The following ZNF676 variants were observed in gnomAD, a reference collection of about 807,000 sequenced individuals.
ZNF676 encodes zinc finger protein 676.
Under a neutral mutation model 6.0 loss-of-function variants are expected in ZNF676, and 4 were observed. That is an observed-to-expected ratio of 0.67 (90% CI 0.33 to 1.53). The LOEUF (loss-of-function observed/expected upper bound fraction) is 1.53, where lower values mean the gene tolerates loss of function less well. Among genes scored for constraint, ZNF676 ranks in the 40% most tolerant of loss-of-function variants. ZNF676 has a pLI of 0.06. For synonymous variants in ZNF676, 198 were observed against 223.1 expected (o/e 0.89, Z 1.00); for missense variants, 644 against 679.7 (o/e 0.95, Z 0.58).
chr19:22,212,528 AC>A (rs530151150), intron 1 of ZNF676, among the ~76,000 whole-genome samples: 1 of 151,666 alleles, frequency 6.6e-6, no homozygotes, highest in African/African-American at 2.4e-5. Flanking sequence ...AACATGGTGA[AC>A]CCCCATCTCT....
At chr19:22,233,094 T>A in the ZNF676 span, among the ~76,000 whole-genome samples, 2 of 152,230 alleles carry the variant, frequency 1.3e-5, no homozygotes, top group Non-Finnish European at 2.9e-5. Context: ...AAATGTAGAC[T>A]AATAAAAATC....
At chr19:22,215,510 A>G in intron 1 of ZNF676, 1 of 1,182,898 alleles carries the variant, frequency 8.5e-7, no homozygotes, top group Non-Finnish European at 1.2e-6. Flanking sequence ...ACTGAGGTCG[A>G]GCTAGGCAAG....
chr19:22,247,647 C>CG, the ZNF676 span, among the ~76,000 whole-genome samples: 513 of 150,234 alleles, frequency 3.4e-3, 1 homozygote, highest in Middle Eastern at 6.8e-3. Flanking sequence ...AGGCCAGGCA[C>CG]GGTGGCTCAT....
Position 22,179,911 on chromosome 19 carries a change from TGAGA to T in ZNF676, c.*35_*38del. 1.9e-6 allele frequency: 3 copies of T among 1,590,586 alleles called. No individual in the cohort carries two copies. The highest frequency in any genetic ancestry group is 2.6e-6 in the Non-Finnish European group (3 of 1,162,596). On this transcript the variant is annotated 3_prime_UTR_variant, in exon 3 of 3. Transcript: ENST00000397121. Reference sequence around the variant, plus strand: ...ATGAATTTTCTTATGTTTACTAGACTGAGAATCAGCTGAAGGATTTACCACATTC... The same window carrying T: ...ATGAATTTTCTTATGTTTACTAGACTATCAGCTGAAGGATTTACCACATTC...
intron 1 of ZNF676, among the ~76,000 whole-genome samples, chr19:22,206,230 C>T (rs1271218490): frequency 6.6e-6 from 1 of 152,124 alleles, no homozygotes; most frequent in African/African-American, 2.4e-5. Context: ...GATATTATTT[C>T]TACCAGAACA....
the ZNF676 span, among the ~76,000 whole-genome samples, chr19:22,242,962 C>T: frequency 4.0e-5 from 6 of 151,746 alleles, no homozygotes; most frequent in African/African-American, 1.5e-4. Context: ...AGGTGATGGG[C>T]CCAGAAATCT....
intron 1 of ZNF676, among the ~76,000 whole-genome samples, chr19:22,210,621 G>C (rs907525306): frequency 2.5e-4 from 38 of 152,098 alleles, no homozygotes; most frequent in African/African-American, 8.5e-4. Flanking sequence ...GTGTTCTCCA[G>C]GAACACTTAT....
chr19:22,213,106 C>G (rs2024146965), intron 1 of ZNF676, among the ~76,000 whole-genome samples: 2 of 152,144 alleles, frequency 1.3e-5, no homozygotes, highest in African/African-American at 2.4e-5. Context: ...CATCCAATTA[C>G]TGAGAGATTC....
At chr19:22,260,068 A>G in the ZNF676 span, among the ~76,000 whole-genome samples, 1 of 152,188 alleles carries the variant, frequency 6.6e-6, no homozygotes, top group Admixed American at 6.5e-5. Context: ...TTCGGGGGTA[A>G]GATTAATAAT....
At chr19:22,223,344 A>G in the ZNF676 span, among the ~76,000 whole-genome samples, 1 of 152,166 alleles carries the variant, frequency 6.6e-6, no homozygotes, top group African/African-American at 2.4e-5. Context: ...GTCTTTCTAC[A>G]TAACACAGGC....
intron 1 of ZNF676, among the ~76,000 whole-genome samples, chr19:22,204,579 G>A (rs1294983818): frequency 6.6e-6 from 1 of 152,172 alleles, no homozygotes; most frequent in African/African-American, 2.4e-5. Context: ...GGCTTTCGCA[G>A]TGTAAGTATT....
chr19:22,254,978 G>A, the ZNF676 span, among the ~76,000 whole-genome samples: 5 of 152,350 alleles, frequency 3.3e-5, no homozygotes, highest in South Asian at 4.1e-4. Flanking sequence ...GCAAGATGGT[G>A]TAAGAATGAG....
At position 22,182,668 on chromosome 19, in the gene ZNF676, G is replaced by GA. The variant is rs55861617; in HGVS notation, c.131-1083dup. Among the ~76,000 whole-genome samples, 254 of 132,296 alleles carry GA rather than the reference G, an allele frequency of 1.9e-3. 4 individuals carry two copies. The East Asian group carries it at 0.049, about 25-fold the overall frequency. 86.8% of individuals were successfully genotyped at this position (132,296 alleles called of 152,430 possible). ...ATCAGCAAATCTGTCCTGCCTAAAAGAAAAAAAAAAAAAGAGCTTTCAAAA... is the reference window on the plus strand; with the variant it reads ...ATCAGCAAATCTGTCCTGCCTAAAAGAAAAAAAAAAAAAAGAGCTTTCAAAA... On this transcript the variant is annotated intron_variant, in intron 2 of 2. Transcript: ENST00000397121.
intron 1 of ZNF676, among the ~76,000 whole-genome samples, chr19:22,202,179 T>G (rs1175936992): frequency 6.6e-6 from 1 of 152,146 alleles, no homozygotes; most frequent in Non-Finnish European, 1.5e-5. Context: ...GAGAACTGGA[T>G]TCTCACGTCT....
chr19:22,231,845 C>A, the ZNF676 span, among the ~76,000 whole-genome samples: 1 of 152,058 alleles, frequency 6.6e-6, no homozygotes. Context: ...TGTGATCCAC[C>A]CGCCTCAGCC....
chr19:22,250,069 A>T, the ZNF676 span, among the ~76,000 whole-genome samples: 1 of 151,662 alleles, frequency 6.6e-6, no homozygotes, highest in Admixed American at 6.6e-5. Context: ...GTAACCCCAA[A>T]TACTAGGGAG....
At chr19:22,199,218 A>T (rs1408380262), upstream of ZNF676, among the ~76,000 whole-genome samples, 2 of 152,226 alleles carry the variant, frequency 1.3e-5, no homozygotes, top group African/African-American at 4.8e-5. Context: ...TAAATGGGTC[A>T]CTTAAACAAG....
At chr19:22,191,004 C>T (rs1461703896) in intron 2 of ZNF676, among the ~76,000 whole-genome samples, 2 of 152,058 alleles carry the variant, frequency 1.3e-5, no homozygotes, top group Non-Finnish European at 2.9e-5. Flanking sequence ...GAAAGTCTGT[C>T]AGTCATCCAC....
chr19:22,220,513 A>G (rs1488585634), upstream of ZNF676, among the ~76,000 whole-genome samples: 1 of 147,868 alleles, frequency 6.8e-6, no homozygotes, highest in Non-Finnish European at 1.5e-5. Flanking sequence ...GCTGGAGTGC[A>G]GTGGTGCGAT....
Sources: allele counts gnomAD v4.1 joint callset (sites outside exome capture counted in the v4.1 genomes callset), GRCh38; gene constraint gnomAD v4.1.1; transcripts MANE v1.5; gene names NCBI Gene and HGNC (gene_info 2026-07-23, HGNC 2026-07-21).